FBXO10: variants seen among roughly 807,000 people sequenced by gnomAD.
FBXO10 encodes the protein F-box protein 10.
Under a neutral mutation model 80.7 loss-of-function variants are expected in FBXO10, and 39 were observed. The observed-to-expected ratio is 0.48, with a 90% CI of 0.37 to 0.63. FBXO10 has a LOEUF of 0.63. FBXO10 is among the 30% of genes least tolerant of loss of function. The probability of loss-of-function intolerance (pLI) is 0.00; values close to 1 mark genes in which losing one functional copy is unlikely to be tolerated. For missense variants in FBXO10, 1,025 were observed against 1,269.0 expected, an observed-to-expected ratio of 0.81 and a Z score of 2.92; for synonymous variants, 449 against 489.6, an observed-to-expected ratio of 0.92 and a Z score of 1.09.
Position 37,512,598 on chromosome 9 carries a change from C to T in FBXO10, c.2820G>A (p.Arg940=), listed in dbSNP as rs371625911. ...GGTTGCTGTGGTAACCACCTTCCAC[C>T]CGGGCTGTGATCCTCGTTGCCATGG... ...VTAMATRITA[R]VEGGYHSNRS... The change falls in exon 11 of 11, where the codon CGG becomes CGA. Residue 940 remains arginine, a synonymous_variant. Coordinates refer to ENST00000432825, the MANE Select transcript of FBXO10 (RefSeq NM_012166.3). 4.3e-6 allele frequency: 7 copies of T among 1,614,022 alleles called. No homozygotes were observed. In the African/African-American group the frequency reaches 8.0e-5, roughly 18 times the overall value.
intron 1 of FBXO10, among the ~76,000 whole-genome samples, chr9:37,574,107 A>G (rs750473865): frequency 1.3e-5 from 2 of 152,146 alleles, no homozygotes; most frequent in Non-Finnish European, 2.9e-5. Context: ...CATCTCTGAG[A>G]GCTCTTGCTG....
chr9:37,519,130 C>T (rs939018537), intron 8 of FBXO10, among the ~76,000 whole-genome samples: 2 of 152,228 alleles, frequency 1.3e-5, no homozygotes, highest in Admixed American at 1.3e-4. Context: ...AGGATGGTCT[C>T]GATCTCCTGA....
rs190972803 is a variant in FBXO10 at position 37,539,556 on chromosome 9, C to G, written c.586-1613G>C. 4.7e-3 allele frequency among the ~76,000 whole-genome samples: 712 copies of G among 152,310 alleles called. 22 individuals are homozygous for G. The highest frequency in any genetic ancestry group is 0.043 in the Admixed American group (658 of 15,292). ...CTGAGGGAGAAGTAGAGGCTGAAATCAAAATATTACTCTAAGAATAAATGT... is the reference window on the plus strand; with the variant it reads ...CTGAGGGAGAAGTAGAGGCTGAAATGAAAATATTACTCTAAGAATAAATGT... On this transcript the variant is annotated intron_variant, in intron 2 of 10. Coordinates refer to ENST00000432825, the MANE Select transcript of FBXO10 (RefSeq NM_012166.3).
At chr9:37,523,150 C>T (rs1821383676) in intron 6 of FBXO10, among the ~76,000 whole-genome samples, 173 bp from the exon 7 acceptor site, 1 of 152,190 alleles carries the variant, frequency 6.6e-6, no homozygotes, top group Non-Finnish European at 1.5e-5. Flanking sequence ...AGGGACTTAT[C>T]TGCTGACTCC....
intron 4 of FBXO10, among the ~76,000 whole-genome samples, chr9:37,530,738 T>C (rs1446849348): frequency 6.6e-6 from 1 of 152,054 alleles, no homozygotes; most frequent in East Asian, 1.9e-4. Flanking sequence ...ACTCAAGTGA[T>C]CCTCCCACCT....
intron 4 of FBXO10, 97 bp downstream of exon 4, chr9:37,531,812 G>A: frequency 2.9e-6 from 4 of 1,369,048 alleles, no homozygotes; most frequent in Non-Finnish European, 4.1e-6. Context: ...CAAACAGGAA[G>A]CACGTAAATA....
intron 3 of FBXO10, among the ~76,000 whole-genome samples, chr9:37,533,857 G>A (rs1407920349): frequency 6.7e-6 from 1 of 149,188 alleles, no homozygotes; most frequent in African/African-American, 2.5e-5. Context: ...GGGCTAAACA[G>A]TGGAGACTCC....
chr9:37,554,450 T>C (rs1363019281), intron 1 of FBXO10, among the ~76,000 whole-genome samples: 4 of 152,178 alleles, frequency 2.6e-5, no homozygotes, highest in Admixed American at 6.5e-5. Flanking sequence ...GGATGTACCA[T>C]ATCCAGTAGT....
chr9:37,573,364 T>C (rs557574487), intron 1 of FBXO10, among the ~76,000 whole-genome samples: 4 of 152,036 alleles, frequency 2.6e-5, no homozygotes, highest in East Asian at 3.9e-4. Context: ...GTGAGGTGCT[T>C]TGGGGAGAAT....
intron 3 of FBXO10, 30 bp from the exon 4 acceptor site, chr9:37,532,088 T>C (rs767679888): frequency 8.6e-5 from 138 of 1,599,382 alleles, no homozygotes; most frequent in Non-Finnish European, 1.1e-4. Flanking sequence ...CCATTTATTT[T>C]CCTGTTACAA....
intron 8 of FBXO10, among the ~76,000 whole-genome samples, chr9:37,519,056 C>A (rs1007457100): frequency 2.6e-5 from 4 of 152,220 alleles, no homozygotes; most frequent in East Asian, 1.9e-4. Context: ...ACTACAGGCA[C>A]CCGCCACCAC....
Position 37,518,426 on chromosome 9 carries a change from T to G in FBXO10, c.2213A>C (p.Tyr738Ser). ...SINHNGASGLYVQSSEALHVI... is the reference protein window; with the variant it reads ...SINHNGASGLSVQSSEALHVI... ...ATGCAGTGCCTCGCTGCTCTGGACATAGAGTCCTGAGGCTATGGGTGGAAG... is the reference window on the plus strand; with the variant it reads ...ATGCAGTGCCTCGCTGCTCTGGACAGAGAGTCCTGAGGCTATGGGTGGAAG... The change falls in exon 9 of 11, where the codon TAT becomes TCT. Residue 738 changes from tyrosine to serine, a missense_variant. Transcript: ENST00000432825. The G allele has an allele frequency of 1.9e-6, 3 of 1,599,118 alleles. No homozygotes were observed. The highest frequency in any genetic ancestry group is 1.1e-5 in the South Asian group (1 of 88,068).
chr9:37,531,743 TACAC>T, intron 4 of FBXO10, among the ~76,000 whole-genome samples, 162 bp downstream of exon 4: 1 of 152,092 alleles, frequency 6.6e-6, no homozygotes, highest in Non-Finnish European at 1.5e-5. Flanking sequence ...TCACTGCTAA[TACAC>T]AGACAGAGAC....
At chr9:37,530,464 T>C (rs1821592338) in intron 4 of FBXO10, among the ~76,000 whole-genome samples, 1 of 152,174 alleles carries the variant, frequency 6.6e-6, no homozygotes, top group Non-Finnish European at 1.5e-5. Flanking sequence ...CTCCACCTGC[T>C]ATCCCTCTGT....
At chr9:37,513,311 T>G (rs1034576867) in intron 10 of FBXO10, among the ~76,000 whole-genome samples, 12 of 152,168 alleles carry the variant, frequency 7.9e-5, no homozygotes, top group Admixed American at 3.3e-4. Context: ...CCTCTTTCAT[T>G]TCTTTTCAGC....
intron 8 of FBXO10, among the ~76,000 whole-genome samples, chr9:37,520,247 G>A (rs375430084): frequency 6.9e-6 from 1 of 145,136 alleles, no homozygotes; most frequent in Non-Finnish European, 1.5e-5. Flanking sequence ...GGGAGCCCTG[G>A]AGTTAGGTGA....
At chr9:37,531,873 AAG>A (rs778591494) in intron 4 of FBXO10, 34 bp downstream of exon 4, 1 of 1,606,168 alleles carries the variant, frequency 6.2e-7, no homozygotes, top group South Asian at 1.1e-5. Context: ...TCTGAAAACC[AAG>A]AGTCACCCTG....
chr9:37,523,776 G>T (rs967167584), intron 6 of FBXO10, among the ~76,000 whole-genome samples: 1 of 152,146 alleles, frequency 6.6e-6, no homozygotes, highest in Non-Finnish European at 1.5e-5. Context: ...ACAAAATTGG[G>T]CGTGGTGGCA....
chr9:37,533,885 A>G (rs1297148391), intron 3 of FBXO10, among the ~76,000 whole-genome samples: 1 of 151,684 alleles, frequency 6.6e-6, no homozygotes, highest in African/African-American at 2.4e-5. Context: ...AAAAAAAAAA[A>G]CAAAAAAAAC....
Sources: allele counts gnomAD v4.1 joint callset (sites outside exome capture counted in the v4.1 genomes callset), GRCh38; gene constraint gnomAD v4.1.1; transcripts MANE v1.5; gene names NCBI Gene and HGNC (gene_info 2026-07-23, HGNC 2026-07-21).